Variants in DIXDC1 observed in about 807,000 individuals in gnomAD.
The protein encoded by DIXDC1 is DIX domain containing 1, also known as dixin.
In DIXDC1, 64 loss-of-function variants were observed where a neutral mutation model predicts 103.1. The ratio of observed to expected loss-of-function variants is 0.62; its 90% CI spans 0.51 to 0.76. The LOEUF (loss-of-function observed/expected upper bound fraction) is 0.76, where lower values mean the gene tolerates loss of function less well. Ranked by LOEUF, DIXDC1 falls within the 30% of genes least tolerant of loss-of-function variation. DIXDC1 has a pLI of 0.00. For missense variants in DIXDC1, 759 were observed against 834.2 expected, an observed-to-expected ratio of 0.91 and a Z score of 1.11; for synonymous variants, 266 against 298.5, an observed-to-expected ratio of 0.89 and a Z score of 1.12.
intron 6 of DIXDC1, among the ~76,000 whole-genome samples, chr11:111,981,344 A>G (rs1350036078): frequency 1.3e-5 from 2 of 152,232 alleles, no homozygotes; most frequent in Non-Finnish European, 2.9e-5. Context: ...ACTCTGTCTC[A>G]GTTGCTCTTT....
chr11:112,017,675 T>C lies in DIXDC1; in HGVS notation c.1863-102T>C. ...GGCAGTGACCTAACAAGGGGCTATT[T>C]CTGCTTATTGACTTTGGCAGGGGGC... On this transcript the variant is annotated intron_variant, in intron 18 of 19. Coordinates refer to ENST00000440460, the MANE Select transcript of DIXDC1 (RefSeq NM_001037954.4). The surrounding 1 kb of genome is among the most constrained non-coding windows in gnomAD (Gnocchi z 4.0). 1.1e-6 allele frequency: 1 copy of C among 929,386 alleles called. No homozygotes were observed. Among genetic ancestry groups the C allele is most frequent in the Non-Finnish European group, 1.6e-6 (1 of 607,592 alleles). The allele number at this position is 929,386 out of a possible 1,614,324, so 57.6% of individuals were successfully genotyped here. A position where few individuals can be genotyped will look rare whatever the true frequency, so the allele number is the denominator to read the frequency against.
intron 17 of DIXDC1, among the ~76,000 whole-genome samples, chr11:112,004,090 GTATA>G (rs200194840): frequency 6.9e-6 from 1 of 145,634 alleles, no homozygotes; most frequent in Non-Finnish European, 1.5e-5. Context: ...GTGTATATGT[GTATA>G]TATATGTGTG....
At chr11:111,967,855 G>GC (rs1335887070) in intron 2 of DIXDC1, among the ~76,000 whole-genome samples, 6 of 152,278 alleles carry the variant, frequency 3.9e-5, no homozygotes, top group Admixed American at 3.9e-4. Context: ...AGAAAGCCCC[G>GC]CCTGCCCTGG....
chr11:111,952,328 C>T (rs587699245), intron 1 of DIXDC1, among the ~76,000 whole-genome samples: 1 of 152,192 alleles, frequency 6.6e-6, no homozygotes, highest in East Asian at 1.9e-4. Context: ...TTCCAAGAAG[C>T]TTTTTTAGGA....
At chr11:111,955,228 C>T (rs1397637336) in intron 1 of DIXDC1, among the ~76,000 whole-genome samples, 6 of 149,410 alleles carry the variant, frequency 4.0e-5, no homozygotes, top group South Asian at 2.1e-4. Context: ...TTCAGCTACT[C>T]GGGAGGCTGA....
upstream of DIXDC1, chr11:111,937,340 G>A: frequency 2.8e-6 from 4 of 1,418,914 alleles, no homozygotes; most frequent in Non-Finnish European, 1.8e-6. Flanking sequence ...AGTGCAAGCC[G>A]CTAGTTTGGC....
At chr11:111,969,622 C>T (rs1384710262) in intron 3 of DIXDC1, among the ~76,000 whole-genome samples, 2 of 152,166 alleles carry the variant, frequency 1.3e-5, no homozygotes, top group Non-Finnish European at 2.9e-5. Context: ...CTCCCTAGTT[C>T]TCTTGCTGTT....
At chr11:111,993,206 C>T (rs587621807) in intron 12 of DIXDC1, among the ~76,000 whole-genome samples, 38 of 152,190 alleles carry the variant, frequency 2.5e-4, no homozygotes, top group African/African-American at 7.7e-4. Flanking sequence ...AGAAGGAGTA[C>T]AGGACTAGGG....
chr11:111,967,503 A>T (rs587753304), intron 2 of DIXDC1, among the ~76,000 whole-genome samples: 1 of 152,236 alleles, frequency 6.6e-6, no homozygotes, highest in South Asian at 2.1e-4. Flanking sequence ...AGCCCAAACC[A>T]TCATGTCCTG....
intron 1 of DIXDC1, among the ~76,000 whole-genome samples, chr11:111,950,581 G>A (rs587729917): frequency 0.011 from 1,609 of 147,440 alleles, 22 homozygotes; most frequent in African/African-American, 0.032. Flanking sequence ...TCAGCCTCCC[G>A]AGTAGCTGGG....
rs781959699 is a variant in DIXDC1, at chr11:111,989,081, T to C, written c.1113+26T>C. The C allele has an allele frequency of 1.9e-6, 3 of 1,572,740 alleles. No individual in the cohort carries two copies. In the Middle Eastern group the frequency reaches 5.0e-4, roughly 264 times the overall value. On this transcript the variant is annotated intron_variant, in intron 10 of 19. Transcript: ENST00000440460. ...GTAAAAAAGAAGACATTTAATTCTT[T>C]AAATAAAGTCTCTGCAATGTAAAGT...
intron 17 of DIXDC1, among the ~76,000 whole-genome samples, chr11:112,011,667 A>G (rs1322009403): frequency 6.6e-6 from 1 of 152,184 alleles, no homozygotes; most frequent in Non-Finnish European, 1.5e-5. Flanking sequence ...CATGGATGAA[A>G]CTGGAGTTCA....
rs587647035 is a variant in DIXDC1 at position 112,009,264 on chromosome 11, T to G, written c.1757-7427T>G. ...CTCCCAAGACTAAACCAGGAAGAAG[T>G]TGAATCTCTGAATAGACCAATAACA... On this transcript the variant is annotated intron_variant, in intron 17 of 19. Transcript: ENST00000440460. Among the ~76,000 whole-genome samples the G allele has an allele frequency of 3.3e-5, 5 of 152,224 alleles. No individual in the cohort carries two copies. The South Asian group carries it at 1.0e-3, about 32-fold the overall frequency.
chr11:111,993,874 G>T, intron 14 of DIXDC1, 134 bp downstream of exon 14: 1 of 996,428 alleles, frequency 1.0e-6, no homozygotes. Context: ...AAAAGTGCAG[G>T]TTCCAGAATA....
intron 17 of DIXDC1, among the ~76,000 whole-genome samples, chr11:112,011,034 A>C (rs1430685880): frequency 6.6e-6 from 1 of 152,216 alleles, no homozygotes; most frequent in African/African-American, 2.4e-5. Context: ...AATGGGAGAA[A>C]ATTTTTGCAA....
intron 1 of DIXDC1, among the ~76,000 whole-genome samples, chr11:111,956,760 G>A (rs1418885545): frequency 6.6e-6 from 1 of 152,096 alleles, no homozygotes; most frequent in Non-Finnish European, 1.5e-5. Flanking sequence ...AAAGTGCTGG[G>A]GTTACAGGCT....
In DIXDC1 at chr11:111,993,671, GGA is replaced by G; in HGVS notation, c.1369_1370del (p.Asp457SerfsTer22). 6.2e-7 allele frequency: 1 copy of G among 1,614,008 alleles called. No individual in the cohort carries two copies. Among genetic ancestry groups the G allele is most frequent in the Non-Finnish European group, 8.5e-7 (1 of 1,179,888 alleles). ...CTGATTTAGTGTCTATTTTGCAGGT[GGA>G]TCTAGAGCGAGAGCTAGAACACAAA... Reference protein sequence around the residue: ...KLSDVSYHQVDLERELEHKDV... With the variant: ...KLSDVSYHQVXLERELEHKDV... On this transcript the variant is annotated frameshift_variant, in exon 14 of 20. Coordinates refer to ENST00000440460, the MANE Select transcript of DIXDC1 (RefSeq NM_001037954.4). LOFTEE classifies it high-confidence loss of function.
intron 16 of DIXDC1, 143 bp downstream of exon 16, chr11:111,995,707 T>G (rs1860875571): frequency 1.9e-6 from 2 of 1,061,080 alleles, no homozygotes; most frequent in Non-Finnish European, 2.6e-6. Flanking sequence ...GTTTTTTCTC[T>G]CAGTGGAACT....
In DIXDC1 at chr11:111,992,464, T is replaced by G. The variant is rs782657142; in HGVS notation, c.1163T>G (p.Leu388Arg). 2 of 1,583,472 alleles carry G rather than the reference T, an allele frequency of 1.3e-6. No homozygotes were observed. The highest frequency in any genetic ancestry group is 3.6e-5 in the Admixed American group (2 of 55,386). Reference protein sequence around the residue: ...LTQQDTSVLQLKQELLRANMD... With the variant: ...LTQQDTSVLQRKQELLRANMD... ...CAGCAGGACACATCTGTTCTTCAGCTCAAACAAGAGCTACTGAGGGCAAAT... is the reference window on the plus strand; with the variant it reads ...CAGCAGGACACATCTGTTCTTCAGCGCAAACAAGAGCTACTGAGGGCAAAT... Residue 388 changes from leucine to arginine, a missense_variant, in exon 11 of 20, where the codon CTC (leucine) becomes CGC (arginine). This residue lies in a region of DIXDC1 where 657 missense variants were observed against 727.5 expected (regional missense o/e 0.90). Coordinates refer to ENST00000440460, the MANE Select transcript of DIXDC1 (RefSeq NM_001037954.4).
Sources: allele counts gnomAD v4.1 joint callset (sites outside exome capture counted in the v4.1 genomes callset), GRCh38; gene constraint gnomAD v4.1.1; regional missense constraint gnomAD v4.1.1; non-coding constraint Gnocchi (gnomAD v3.1); transcripts MANE v1.5; gene names NCBI Gene and HGNC (gene_info 2026-07-23, HGNC 2026-07-21).